CTNND2: variants seen among roughly 807,000 people sequenced by gnomAD.
CTNND2 encodes the protein catenin delta-2.
CTNND2 carries 22 observed loss-of-function variants against 144.4 expected under a neutral mutation model. The ratio of observed to expected loss-of-function variants is 0.15; its 90% CI spans 0.11 to 0.22. The LOEUF (loss-of-function observed/expected upper bound fraction) is 0.22. Ranked by LOEUF, CTNND2 falls within the 10% of genes least tolerant of loss-of-function variation. CTNND2 has a pLI of 1.00. For synonymous variants in CTNND2, 751 were observed against 695.6 expected (o/e 1.08, Z -1.25); for missense variants, 1,353 against 1,618.8 (o/e 0.84, Z 2.82).
intron 16 of CTNND2, among the ~76,000 whole-genome samples, chr5:11,048,185 C>T (rs1332022972): frequency 1.3e-5 from 2 of 152,132 alleles, no homozygotes; most frequent in East Asian, 1.9e-4. Flanking sequence ...GTTCTACAAA[C>T]ACTGCCCTGA....
intron 16 of CTNND2, among the ~76,000 whole-genome samples, chr5:11,050,614 A>T (rs1395914021): frequency 6.6e-6 from 1 of 152,234 alleles, no homozygotes; most frequent in Non-Finnish European, 1.5e-5. Context: ...AATGCATAAA[A>T]ACAGAACTTT....
At position 11,084,573 on chromosome 5, in the gene CTNND2, G is replaced by A. The variant is rs61755755; in HGVS notation, c.2638-1727C>T. 4.8e-3 allele frequency among the ~76,000 whole-genome samples: 732 copies of A among 152,240 alleles called. 8 individuals carry two copies. Among genetic ancestry groups the A allele is most frequent in the African/African-American group, 0.017 (690 of 41,546 alleles). On this transcript the variant is annotated intron_variant, in intron 15 of 21. Coordinates refer to ENST00000304623, the MANE Select transcript of CTNND2 (RefSeq NM_001332.4). ...CATCAACAATAACTTGCAACATCGG[G>A]GAGATATTCTTGACCTTCTGGGAGA...
chr5:11,239,200 ATATG>A (rs1741959205), intron 9 of CTNND2, among the ~76,000 whole-genome samples: 5 of 152,286 alleles, frequency 3.3e-5, no homozygotes, highest in African/African-American at 1.2e-4. Context: ...CTTACACGGC[ATATG>A]CCAAGTGCAC....
intron 3 of CTNND2, among the ~76,000 whole-genome samples, chr5:11,546,544 A>G (rs574708921): frequency 6.6e-6 from 1 of 152,340 alleles, no homozygotes; most frequent in African/African-American, 2.4e-5. Flanking sequence ...TTGGTATCAG[A>G]TCAACATAAA....
chr5:11,449,347 G>A (rs975716944), intron 3 of CTNND2, among the ~76,000 whole-genome samples: 1 of 152,202 alleles, frequency 6.6e-6, no homozygotes, highest in Non-Finnish European at 1.5e-5. Flanking sequence ...ATTCATGGTA[G>A]AATTCAACAT....
chr5:11,300,041 A>G (rs1749423789), intron 9 of CTNND2, among the ~76,000 whole-genome samples: 2 of 152,182 alleles, frequency 1.3e-5, no homozygotes, highest in Admixed American at 6.5e-5. Flanking sequence ...ATTCATTTAT[A>G]TACATTTAGG....
rs547110258 is a variant in CTNND2 at position 11,048,935 on chromosome 5, G to A, written c.2789-25956C>T. On this transcript the variant is annotated intron_variant, in intron 16 of 21. Transcript: ENST00000304623. The stretch of plus-strand genomic sequence containing the variant: ...TGTGAGGCTGTCCCATAGCCTGCAG[G>A]ACAGACAGCAGCAGCTCTGGCCTCC... Among the ~76,000 whole-genome samples the A allele has an allele frequency of 2.0e-5, 3 of 152,174 alleles. No homozygotes were observed. In the South Asian group the frequency reaches 6.2e-4, roughly 31 times the overall value.
intron 8 of CTNND2, among the ~76,000 whole-genome samples, chr5:11,359,607 G>A (rs1202446507): frequency 6.6e-6 from 1 of 152,126 alleles, no homozygotes; most frequent in Non-Finnish European, 1.5e-5. Context: ...GGAGTCCTCG[G>A]GCAGGTGGGC....
chr5:11,181,920 A>G (rs1220929821), intron 11 of CTNND2, among the ~76,000 whole-genome samples: 12 of 101,296 alleles, frequency 1.2e-4, no homozygotes, highest in Admixed American at 8.2e-4. Context: ...GTGTGTGTGG[A>G]GGCTATGTGT....
At chr5:11,861,324 A>G (rs1292473736) in intron 1 of CTNND2, among the ~76,000 whole-genome samples, 3 of 152,184 alleles carry the variant, frequency 2.0e-5, no homozygotes, top group Non-Finnish European at 4.4e-5. Context: ...GAACCGCAAA[A>G]TAAAAACATA....
intron 3 of CTNND2, among the ~76,000 whole-genome samples, chr5:11,506,363 A>G (rs1397527605): frequency 1.3e-5 from 2 of 152,200 alleles, no homozygotes; most frequent in South Asian, 2.1e-4. Flanking sequence ...TAAGCAGTAT[A>G]TTGTTTTGTT....
chr5:11,408,456 T>C (rs1761261351), intron 5 of CTNND2, among the ~76,000 whole-genome samples: 1 of 152,166 alleles, frequency 6.6e-6, no homozygotes. Flanking sequence ...TAATATTCTT[T>C]ATGTGACTGT....
At chr5:10,984,633 C>T (rs561932124) in intron 20 of CTNND2, among the ~76,000 whole-genome samples, 16 of 152,290 alleles carry the variant, frequency 1.1e-4, no homozygotes, top group South Asian at 2.1e-4. Context: ...TTTACAGACA[C>T]GTGAGGCAGA....
chr5:11,160,668 C>T (rs1361649308), intron 11 of CTNND2, among the ~76,000 whole-genome samples: 1 of 152,096 alleles, frequency 6.6e-6, no homozygotes, highest in Admixed American at 6.6e-5. Context: ...ACACCCTGAA[C>T]CTAAACACGT....
At chr5:11,023,054 G>C (rs575446084) in intron 16 of CTNND2, 75 bp from the exon 17 acceptor site, 7 of 1,351,826 alleles carry the variant, frequency 5.2e-6, no homozygotes, top group African/African-American at 2.9e-5. Context: ...GGTGGGTATG[G>C]GGGAGAAGAG....
At chr5:11,719,664 T>A (rs958411623) in intron 2 of CTNND2, among the ~76,000 whole-genome samples, 1 of 152,224 alleles carries the variant, frequency 6.6e-6, no homozygotes, top group Non-Finnish European at 1.5e-5. Context: ...ACAAGTTATA[T>A]GTCAGAGTTT....
chr5:11,799,182 C>T (rs1343472852), intron 1 of CTNND2, among the ~76,000 whole-genome samples: 1 of 152,134 alleles, frequency 6.6e-6, no homozygotes, highest in East Asian at 1.9e-4. Context: ...CATATTTGTT[C>T]ATCGTTTTAA....
intron 9 of CTNND2, among the ~76,000 whole-genome samples, chr5:11,273,243 A>G (rs1240429577): frequency 6.6e-6 from 1 of 152,192 alleles, no homozygotes; most frequent in East Asian, 1.9e-4. Context: ...AGCTGCATGA[A>G]AAATAATTGT....
intron 2 of CTNND2, among the ~76,000 whole-genome samples, chr5:11,629,127 C>G (rs1048746612): frequency 7.9e-5 from 12 of 152,132 alleles, no homozygotes; most frequent in Non-Finnish European, 1.6e-4. Flanking sequence ...ACCTAGGTAG[C>G]AGAACAAATG....
Sources: allele counts gnomAD v4.1 joint callset (sites outside exome capture counted in the v4.1 genomes callset), GRCh38; gene constraint gnomAD v4.1.1; transcripts MANE v1.5; gene names NCBI Gene and HGNC (gene_info 2026-07-23, HGNC 2026-07-21).